The following THAP4 variants were observed in gnomAD, a reference collection of about 807,000 sequenced individuals.
THAP4 encodes peroxynitrite isomerase THAP4.
A neutral mutation model predicts 48.1 loss-of-function variants in THAP4; 18 were observed. The ratio of observed to expected loss-of-function variants is 0.37; its 90% CI spans 0.26 to 0.56. THAP4 has a LOEUF of 0.56. Among genes scored for constraint, THAP4 ranks in the 20% least tolerant of loss-of-function variants. The pLI, the probability that THAP4 is intolerant of heterozygous loss-of-function variation, is 0.78. For missense variants in THAP4, 656 were observed against 774.9 expected, an observed-to-expected ratio of 0.85 and a Z score of 1.82; for synonymous variants, 345 against 324.9, an observed-to-expected ratio of 1.06 and a Z score of -0.66.
chr2:241,585,309 T>C (rs2125063574), intron 5 of THAP4, among the ~76,000 whole-genome samples: 1 of 151,972 alleles, frequency 6.6e-6, no homozygotes, highest in Admixed American at 6.6e-5. Context: ...GCCCAGAATG[T>C]TTGCCGGCAA....
In THAP4 at chr2:241,632,913, T is replaced by C; in HGVS notation, c.1240+4A>G. On this transcript the variant is annotated splice_donor_region_variant and intron_variant, in intron 2 of 5. Transcript: ENST00000407315. ...ACATGGGTACGCGAGGCTCCGGTAC[T>C]GACCGCGGCTGGGCGACAGCAGGCT... 1 of 1,589,164 alleles carries C rather than the reference T, an allele frequency of 6.3e-7. No homozygotes were observed. Among genetic ancestry groups the C allele is most frequent in the South Asian group, 1.1e-5 (1 of 87,544 alleles).
chr2:241,637,122 T>C lies in THAP4; in HGVS notation c.-105A>G. 1.0e-6 allele frequency: 1 copy of C among 998,506 alleles called. No individual in the cohort carries two copies. Among genetic ancestry groups the C allele is most frequent in the Non-Finnish European group, 1.2e-6 (1 of 841,030 alleles). 61.9% of individuals were successfully genotyped at this position (998,506 alleles called of 1,614,324 possible). On this transcript the variant is annotated 5_prime_UTR_variant, in exon 1 of 6. Transcript: ENST00000407315. ...CGCGGCGGCGACACGGCTCGGGACG[T>C]GGGCCGGCCCGCGGCGTCCGCGCCG...
chr2:241,604,353 C>A (rs1010625073), intron 3 of THAP4, among the ~76,000 whole-genome samples: 1 of 151,966 alleles, frequency 6.6e-6, no homozygotes, highest in Non-Finnish European at 1.5e-5. Context: ...TGAGTTCAAG[C>A]GATTCTCCTG....
intron 2 of THAP4, among the ~76,000 whole-genome samples, chr2:241,614,764 C>T (rs575489457): frequency 6.6e-6 from 1 of 152,210 alleles, no homozygotes; most frequent in African/African-American, 2.4e-5. Context: ...TGGTGCATGC[C>T]TGTAATCTCA....
intron 2 of THAP4, among the ~76,000 whole-genome samples, chr2:241,628,098 ACC>A (rs1447786462): frequency 1.3e-5 from 2 of 149,192 alleles, no homozygotes; most frequent in East Asian, 4.0e-4. Flanking sequence ...AGCACATCCA[ACC>A]CCCTTCTCTC....
chr2:241,587,588 T>C lies in THAP4; in HGVS notation c.1615-2863A>G, dbSNP rs1447115865. On this transcript the variant is annotated intron_variant, in intron 5 of 5. Transcript: ENST00000407315. ...TTAGGCCATATACTGGGGCGTAAAA[T>C]AAGTCTCCAACATTTTTTAACAGAC... 2.0e-5 allele frequency among the ~76,000 whole-genome samples: 3 copies of C among 152,348 alleles called. No individual in the cohort carries two copies. The East Asian group carries it at 5.8e-4, about 29-fold the overall frequency.
At chr2:241,586,344 G>A (rs1176393336) in intron 5 of THAP4, among the ~76,000 whole-genome samples, 2 of 148,808 alleles carry the variant, frequency 1.3e-5, no homozygotes, top group African/African-American at 2.5e-5. Flanking sequence ...GAGTTAACCA[G>A]AAACAGGCTG....
intron 2 of THAP4, among the ~76,000 whole-genome samples, chr2:241,613,020 T>C (rs1479542391): frequency 6.6e-6 from 1 of 152,204 alleles, no homozygotes; most frequent in Non-Finnish European, 1.5e-5. Flanking sequence ...TTAAATAAAA[T>C]ATATTATTAA....
In THAP4 at chr2:241,636,648, G is replaced by A. The variant is rs1034480286; in HGVS notation, c.77+293C>T. ...GCAGTCGCGGCCGAGCAGGACAATC[G>A]GCCCAGGACCTGCGCTTCCAGAGCG... On this transcript the variant is annotated intron_variant, in intron 1 of 5. Coordinates refer to ENST00000407315, the MANE Select transcript of THAP4 (RefSeq NM_015963.6). Among the ~76,000 whole-genome samples the A allele has an allele frequency of 2.2e-4, 34 of 152,256 alleles. 2 individuals are homozygous for A. The highest frequency in any genetic ancestry group is 7.7e-4 in the African/African-American group (32 of 41,574).
At chr2:241,617,826 C>T (rs752822872) in intron 2 of THAP4, among the ~76,000 whole-genome samples, 3 of 152,132 alleles carry the variant, frequency 2.0e-5, no homozygotes, top group Non-Finnish European at 4.4e-5. Flanking sequence ...CTGGCATGTC[C>T]TTTTCTGTCT....
chr2:241,587,074 T>C (rs544233049), intron 5 of THAP4, among the ~76,000 whole-genome samples: 102 of 152,302 alleles, frequency 6.7e-4, no homozygotes, highest in African/African-American at 2.2e-3. Flanking sequence ...GTGGGTGTCA[T>C]GGTTAATTTT....
chr2:241,632,730 T>G (rs1364294227), intron 2 of THAP4, among the ~76,000 whole-genome samples, 187 bp downstream of exon 2: 3 of 152,162 alleles, frequency 2.0e-5, no homozygotes, highest in Non-Finnish European at 4.4e-5. Context: ...TGGGACCAGG[T>G]GCAGTGAGGC....
At chr2:241,593,257 A>G (rs942912630) in intron 5 of THAP4, among the ~76,000 whole-genome samples, 1 of 152,116 alleles carries the variant, frequency 6.6e-6, no homozygotes, top group Non-Finnish European at 1.5e-5. Flanking sequence ...AAAAAGTAAT[A>G]ATAAAATAAA....
At chr2:241,608,192 G>C (rs2067212272) in intron 2 of THAP4, among the ~76,000 whole-genome samples, 1 of 152,184 alleles carries the variant, frequency 6.6e-6, no homozygotes, top group African/African-American at 2.4e-5. Context: ...TTGGAACCAA[G>C]GAGGGCCGCA....
chr2:241,589,496 A>G (rs899142490), intron 5 of THAP4, among the ~76,000 whole-genome samples: 5 of 152,242 alleles, frequency 3.3e-5, no homozygotes, highest in Non-Finnish European at 5.9e-5. Context: ...GATGAGCAGC[A>G]TCGTTACTCA....
Position 241,616,598 on chromosome 2 carries a change from C to G in THAP4, c.1241-10125G>C, listed in dbSNP as rs2067351378. Among the ~76,000 whole-genome samples, 2 of 152,124 alleles carry G rather than the reference C, an allele frequency of 1.3e-5. No homozygotes were observed. Among genetic ancestry groups the G allele is most frequent in the African/African-American group, 4.8e-5 (2 of 41,422 alleles). On this transcript the variant is annotated intron_variant, in intron 2 of 5. Transcript: ENST00000407315. The surrounding 1 kb of genome is among the most constrained non-coding windows in gnomAD (Gnocchi z 4.6). ...GGCTGCTGCTTCAGGGGCACAGGGC[C>G]CACACCACACTTGGGGACAGGACAG...
At chr2:241,617,238 T>A (rs1160315522) in intron 2 of THAP4, among the ~76,000 whole-genome samples, 1 of 152,224 alleles carries the variant, frequency 6.6e-6, no homozygotes, top group Non-Finnish European at 1.5e-5. Context: ...ACCTAGTCTA[T>A]TTGTCACTTT....
intron 5 of THAP4, among the ~76,000 whole-genome samples, chr2:241,588,187 A>G (rs2066915856): frequency 6.6e-6 from 1 of 152,202 alleles, no homozygotes; most frequent in South Asian, 2.1e-4. Context: ...AAATTAAAAA[A>G]TCATTTATAA....
intron 2 of THAP4, among the ~76,000 whole-genome samples, chr2:241,609,647 C>G (rs745444534): frequency 7.9e-5 from 12 of 152,104 alleles, no homozygotes; most frequent in Admixed American, 1.3e-4. Context: ...ATTAGCCGGG[C>G]GTGGTGGCAC....
Sources: gnomAD v4.1 joint callset for allele counts (sites outside exome capture counted in the v4.1 genomes callset) on GRCh38, gnomAD v4.1.1 for gene constraint, Gnocchi (gnomAD v3.1) non-coding constraint, MANE v1.5 for transcripts, NCBI Gene and HGNC (gene_info 2026-07-23, HGNC 2026-07-21) for gene names.